The following TCHP variants were observed in gnomAD, a reference collection of about 807,000 sequenced individuals.
TCHP encodes trichoplein keratin filament-binding protein.
A neutral mutation model predicts 88.7 loss-of-function variants in TCHP; 81 were observed. The ratio of observed to expected loss-of-function variants is 0.91; its 90% CI spans 0.76 to 1.10. The LOEUF is 1.10. Among genes scored for constraint, TCHP ranks in the 50% least tolerant of loss-of-function variants. The pLI is 0.00. For missense variants in TCHP, 641 were observed against 632.1 expected, an observed-to-expected ratio of 1.01 and a Z score of -0.15; for synonymous variants, 232 against 232.5, an observed-to-expected ratio of 1.00 and a Z score of 0.02.
intron 1 of TCHP, chr12:109,900,744 T>C (rs1294185160): frequency 6.6e-6 from 1 of 152,240 alleles, no homozygotes; most frequent in Non-Finnish European, 1.5e-5. Flanking sequence ...ATGTGAAGCT[T>C]GCCACGGTCT....
chr12:109,903,165 TGCA>T lies in TCHP; in HGVS notation c.142_144del (p.Ser49del). Reference sequence around the variant, plus strand: ...CCGTTACTTCAGGATGTCTGACATCTGCAGCTCCAAACAGGCAGAATGGAGCTC... The same window carrying T: ...CCGTTACTTCAGGATGTCTGACATCTGCTCCAAACAGGCAGAATGGAGCTC... On this transcript the variant is annotated inframe_deletion, in exon 2 of 13. Coordinates refer to ENST00000405876, the MANE Select transcript of TCHP (RefSeq NM_001143852.2). The surrounding 1 kb of genome is among the most constrained non-coding windows in gnomAD (Gnocchi z 4.6). 6.2e-7 allele frequency: 1 copy of T among 1,613,934 alleles called. No individual in the cohort carries two copies. Among genetic ancestry groups the T allele is most frequent in the East Asian group, 2.2e-5 (1 of 44,888 alleles).
chr12:109,885,906 T>C, the TCHP span, among the ~76,000 whole-genome samples: 1 of 151,734 alleles, frequency 6.6e-6, no homozygotes, highest in Non-Finnish European at 1.5e-5. Flanking sequence ...GCCTCCTGAG[T>C]AACTGGGACT....
intron 5 of TCHP, among the ~76,000 whole-genome samples, chr12:109,907,198 T>C (rs1035930112): frequency 1.3e-5 from 2 of 152,240 alleles, no homozygotes; most frequent in Non-Finnish European, 2.9e-5. Context: ...AGGACGTGTG[T>C]CTTTAAGGGC....
rs749396235 is a variant in TCHP at position 109,903,114 on chromosome 12, C to T, written c.88C>T (p.Leu30Phe). 1.9e-6 allele frequency: 3 copies of T among 1,614,066 alleles called. No individual in the cohort carries two copies. The Admixed American group carries it at 5.0e-5, about 27-fold the overall frequency. Residue 30 changes from leucine to phenylalanine, a missense_variant, in exon 2 of 13, where the codon CTT (leucine) becomes TTT (phenylalanine). By Grantham distance (22) the Leu-to-Phe change is conservative. Transcript: ENST00000405876. This position sits in a 1 kb window ranked among gnomAD's most constrained non-coding sequence, Gnocchi z 4.6. ...LARQREQEAR[L>F]RQQWEQNSRY... ...ACGACAGCGAGAGCAGGAGGCCCGG[C>T]TTCGGCAGCAGTGGGAGCAGAACAG...
rs549684295 is a variant in TCHP, at chr12:109,917,790, A to C, written c.*1167A>C. 1 of 152,622 alleles carries C rather than the reference A, an allele frequency of 6.6e-6. No individual in the cohort carries two copies. The highest frequency in any genetic ancestry group is 2.4e-5 in the African/African-American group (1 of 41,438). The allele number at this position is 152,622 out of a possible 1,614,324, so 9.5% of individuals were successfully genotyped here. A position where few individuals can be genotyped will look rare whatever the true frequency, so the allele number is the denominator to read the frequency against. ...TTCATCACATTATGTTCAAGATTCCATATCTCCGTAAATTACAGCTAATTA... is the reference window on the plus strand; with the variant it reads ...TTCATCACATTATGTTCAAGATTCCCTATCTCCGTAAATTACAGCTAATTA... On this transcript the variant is annotated 3_prime_UTR_variant, in exon 13 of 13. Transcript: ENST00000405876.
At chr12:109,913,802 G>C (rs926365679) in intron 10 of TCHP, among the ~76,000 whole-genome samples, 1 of 152,198 alleles carries the variant, frequency 6.6e-6, no homozygotes, top group African/African-American at 2.4e-5. Context: ...GGTCGTGATT[G>C]GTGATGTTTT....
chr12:109,883,882 A>G, the TCHP span, among the ~76,000 whole-genome samples: 158 of 152,324 alleles, frequency 1.0e-3, no homozygotes, highest in Non-Finnish European at 1.8e-3. Flanking sequence ...TCCAAAAAAT[A>G]TGATTAGTGC....
chr12:109,893,635 C>T, the TCHP span, among the ~76,000 whole-genome samples: 412 of 152,244 alleles, frequency 2.7e-3, 1 homozygote, highest in Non-Finnish European at 5.0e-3. Context: ...TCTTGTTTCA[C>T]CTATATCCAG....
chr12:109,915,320 C>T lies in TCHP; in HGVS notation c.1321-83C>T, dbSNP rs573214082. 22 of 1,599,106 alleles carry T rather than the reference C, an allele frequency of 1.4e-5. 1 individual carries two copies. Among genetic ancestry groups the T allele is most frequent in the South Asian group, 1.3e-4 (12 of 90,398 alleles). On this transcript the variant is annotated intron_variant, in intron 11 of 12. Coordinates refer to ENST00000405876, the MANE Select transcript of TCHP (RefSeq NM_001143852.2). ...CTGGATTCTCCAGTCTGGGTAGGGC[C>T]GCAGGCTTACCTTCCTCATCAGAGG...
chr12:109,902,119 G>C (rs904717252), intron 1 of TCHP, among the ~76,000 whole-genome samples: 1 of 152,208 alleles, frequency 6.6e-6, no homozygotes, highest in Non-Finnish European at 1.5e-5. Flanking sequence ...GTGTCTGTCT[G>C]TTGTGTTCCT....
chr12:109,901,620 G>A (rs1869802006), intron 1 of TCHP, among the ~76,000 whole-genome samples: 1 of 152,214 alleles, frequency 6.6e-6, no homozygotes, highest in Non-Finnish European at 1.5e-5. Flanking sequence ...GTCGGGCAGA[G>A]CACCCATATC....
the TCHP span, among the ~76,000 whole-genome samples, chr12:109,887,417 A>C: frequency 6.6e-6 from 1 of 151,766 alleles, no homozygotes; most frequent in Non-Finnish European, 1.5e-5. Context: ...CTCAAAAAAA[A>C]AAAAACAAAA....
At chr12:109,881,581 C>T in the TCHP span, among the ~76,000 whole-genome samples, 1 of 152,342 alleles carries the variant, frequency 6.6e-6, no homozygotes, top group African/African-American at 2.4e-5. Context: ...GTGGACTTTT[C>T]GTTCTCAGTA....
intron 12 of TCHP, among the ~76,000 whole-genome samples, chr12:109,916,301 G>A (rs1170577055): frequency 6.6e-6 from 1 of 152,210 alleles, no homozygotes; most frequent in Non-Finnish European, 1.5e-5. Context: ...CTCAAACACT[G>A]ACTGTCACAG....
At chr12:109,908,406 G>T (rs944421398) in intron 6 of TCHP, among the ~76,000 whole-genome samples, 180 bp from the exon 7 acceptor site, 1 of 152,232 alleles carries the variant, frequency 6.6e-6, no homozygotes. Context: ...AAAGGCCCTT[G>T]CAGGAAATGG....
intron 9 of TCHP, among the ~76,000 whole-genome samples, chr12:109,912,335 G>A (rs1311167080): frequency 2.6e-5 from 4 of 152,186 alleles, no homozygotes; most frequent in African/African-American, 9.7e-5. Context: ...TCCAGGGTGA[G>A]CTATCAGTGA....
At chr12:109,887,084 CTA>C in the TCHP span, among the ~76,000 whole-genome samples, 1 of 152,092 alleles carries the variant, frequency 6.6e-6, no homozygotes, top group Admixed American at 6.6e-5. Context: ...ACATTCATGT[CTA>C]TGTTTATCTA....
At chr12:109,904,852 C>CTT in intron 4 of TCHP, 59 bp downstream of exon 4, 36 of 1,339,218 alleles carry the variant, frequency 2.7e-5, no homozygotes, top group Non-Finnish European at 3.2e-5. Context: ...TTTCCAGACA[C>CTT]TTTTTTTTTT....
chr12:109,895,735 T>C (rs1386105783), upstream of TCHP, among the ~76,000 whole-genome samples: 3 of 152,074 alleles, frequency 2.0e-5, no homozygotes, highest in Non-Finnish European at 4.4e-5. Context: ...TACTGTCATG[T>C]TTCATCTAAT....
Sources: gnomAD v4.1 joint callset for allele counts (sites outside exome capture counted in the v4.1 genomes callset) on GRCh38, gnomAD v4.1.1 for gene constraint, Gnocchi (gnomAD v3.1) non-coding constraint, MANE v1.5 for transcripts, NCBI Gene and HGNC (gene_info 2026-07-23, HGNC 2026-07-21) for gene names.